TMEM131L: variants seen among roughly 807,000 people sequenced by gnomAD.
TMEM131L encodes transmembrane protein 131-like.
Under a neutral mutation model 192.2 loss-of-function variants are expected in TMEM131L, and 54 were observed. The observed-to-expected ratio is 0.28, with a 90% CI of 0.23 to 0.35. The LOEUF (loss-of-function observed/expected upper bound fraction) is 0.35. TMEM131L is among the 10% of genes least tolerant of loss of function. The pLI, the probability that TMEM131L is intolerant of heterozygous loss-of-function variation, is 1.00. For missense variants in TMEM131L, 1,888 were observed against 1,972.9 expected, an observed-to-expected ratio of 0.96 and a Z score of 0.82; for synonymous variants, 701 against 704.9, an observed-to-expected ratio of 0.99 and a Z score of 0.09.
chr4:153,615,560 G>C (rs1732919389), intron 26 of TMEM131L, among the ~76,000 whole-genome samples: 1 of 152,212 alleles, frequency 6.6e-6, no homozygotes, highest in South Asian at 2.1e-4. Flanking sequence ...TAGGCCTAAA[G>C]GTGAGGATAG....
At position 153,620,664 on chromosome 4, in the gene TMEM131L, C is replaced by G. The variant is rs553261191; in HGVS notation, c.3568-92C>G. 8.9e-6 allele frequency: 7 copies of G among 783,374 alleles called. No individual in the cohort carries two copies. The Admixed American group carries it at 2.3e-4, about 26-fold the overall frequency. The allele number at this position is 783,374 out of a possible 1,614,324, so 48.5% of individuals were successfully genotyped here. On this transcript the variant is annotated intron_variant, in intron 26 of 34. Transcript: ENST00000409959. ...CAGTTTTCAACAGCACTGGGACATT[C>G]TGAATTCAGATGGAGTTGGTCTTCA...
At position 153,555,905 on chromosome 4, in the gene TMEM131L, T is replaced by G. The variant is rs767489929; in HGVS notation, c.427T>G (p.Cys143Gly). 6.4e-7 allele frequency: 1 copy of G among 1,551,360 alleles called. No individual in the cohort carries two copies. Among genetic ancestry groups the G allele is most frequent in the Non-Finnish European group, 8.7e-7 (1 of 1,146,768 alleles). The change falls in exon 5 of 35, where the codon TGC becomes GGC. Residue 143 changes from cysteine (C) to glycine (G), a missense_variant. By Grantham distance (159) the Cys-to-Gly change is radical. Transcript: ENST00000409959. The surrounding 1 kb of genome is among the most constrained non-coding windows in gnomAD (Gnocchi z 4.1). ...ACATTTCCATGTACCGCCAGTTCCC[T>G]GCAGGGTGGGTGTTGATGGACTCCT... ...AGHFHVPPVP[C>G]RVIPAMGKTS...
chr4:153,596,172 A>G, intron 19 of TMEM131L, 86 bp from the exon 20 acceptor site: 2 of 1,459,442 alleles, frequency 1.4e-6, no homozygotes, highest in African/African-American at 1.4e-5. Context: ...AAGAGAAGCA[A>G]TCGTGTTTAA....
chr4:153,466,758 G>T (rs1268456066), intron 1 of TMEM131L, among the ~76,000 whole-genome samples: 1 of 152,136 alleles, frequency 6.6e-6, no homozygotes, highest in African/African-American at 2.4e-5. Context: ...GGGACCGCTA[G>T]CCGCTCGCGC....
At chr4:153,624,008 A>G (rs1280220169) in intron 29 of TMEM131L, among the ~76,000 whole-genome samples, 2 of 151,750 alleles carry the variant, frequency 1.3e-5, no homozygotes, top group South Asian at 2.1e-4. Context: ...TTTTACATTC[A>G]TATATCCATC....
chr4:153,528,890 G>A (rs1735692904), intron 3 of TMEM131L, among the ~76,000 whole-genome samples: 1 of 152,174 alleles, frequency 6.6e-6, no homozygotes, highest in Non-Finnish European at 1.5e-5. Flanking sequence ...CATGCACAGT[G>A]TATGGTGGGT....
chr4:153,538,940 A>G (rs917783513), intron 3 of TMEM131L, among the ~76,000 whole-genome samples: 3 of 151,968 alleles, frequency 2.0e-5, no homozygotes, highest in Admixed American at 6.6e-5. Context: ...CTTTCACCCC[A>G]TTTGCTGGAA....
intron 3 of TMEM131L, among the ~76,000 whole-genome samples, chr4:153,511,287 A>AACAT (rs1483207731): frequency 3.3e-5 from 5 of 152,246 alleles, no homozygotes; most frequent in African/African-American, 1.2e-4. Flanking sequence ...TACACCGTGG[A>AACAT]ATACTACACA....
intron 3 of TMEM131L, among the ~76,000 whole-genome samples, chr4:153,534,118 A>G (rs1336903185): frequency 2.0e-5 from 3 of 152,242 alleles, no homozygotes; most frequent in Admixed American, 6.5e-5. Context: ...TTATAAATCA[A>G]TGACACCGGT....
intron 25 of TMEM131L, among the ~76,000 whole-genome samples, chr4:153,611,867 G>A (rs950358709): frequency 2.6e-5 from 4 of 152,192 alleles, no homozygotes; most frequent in African/African-American, 9.7e-5. Flanking sequence ...GTAGTTTTAA[G>A]TATTTCACAT....
At chr4:153,539,083 G>A (rs1334666976) in intron 3 of TMEM131L, among the ~76,000 whole-genome samples, 1 of 152,144 alleles carries the variant, frequency 6.6e-6, no homozygotes, top group Non-Finnish European at 1.5e-5. Flanking sequence ...AGAACCTTGG[G>A]AAAGAAACAG....
In TMEM131L at chr4:153,545,947, G is replaced by A. The variant is rs532520412; in HGVS notation, c.240-4126G>A. 3.9e-5 allele frequency among the ~76,000 whole-genome samples: 6 copies of A among 152,090 alleles called. No individual in the cohort carries two copies. The East Asian group carries it at 7.7e-4, about 20-fold the overall frequency. On this transcript the variant is annotated intron_variant, in intron 3 of 34. Coordinates refer to ENST00000409959, the MANE Select transcript of TMEM131L (RefSeq NM_001131007.2). The stretch of plus-strand genomic sequence containing the variant: ...TGCCCAGGCTGGAGTGCAGTGGTGC[G>A]GTCATTGCTCCCTGCAGCTTTGAAC...
intron 3 of TMEM131L, among the ~76,000 whole-genome samples, chr4:153,547,065 T>A (rs1414762964): frequency 1.3e-5 from 2 of 152,248 alleles, no homozygotes; most frequent in African/African-American, 4.8e-5. Flanking sequence ...TAACTTAATG[T>A]AGTATTTTTC....
chr4:153,561,976 C>T (rs867492513), intron 7 of TMEM131L, among the ~76,000 whole-genome samples: 1 of 145,906 alleles, frequency 6.9e-6, no homozygotes, highest in Non-Finnish European at 1.5e-5. Context: ...AAAAAAAAAA[C>T]CTCTTAAAAG....
At chr4:153,469,953 C>A (rs902739516) in intron 2 of TMEM131L, among the ~76,000 whole-genome samples, 1 of 141,668 alleles carries the variant, frequency 7.1e-6, no homozygotes, top group Non-Finnish European at 1.6e-5. Flanking sequence ...AACAAACAAA[C>A]AAAAAAACCA....
intron 10 of TMEM131L, 39 bp downstream of exon 10, chr4:153,583,287 G>A (rs769210901): frequency 9.8e-7 from 1 of 1,015,582 alleles, no homozygotes; most frequent in Non-Finnish European, 1.6e-6. Flanking sequence ...TTTTAAAATT[G>A]CAAGTGTGCA....
intron 3 of TMEM131L, among the ~76,000 whole-genome samples, chr4:153,534,590 C>T (rs1461399802): frequency 3.3e-5 from 5 of 152,102 alleles, no homozygotes; most frequent in Admixed American, 6.5e-5. Flanking sequence ...TGTGCTACCA[C>T]GCCCGGCTAA....
At chr4:153,476,561 G>T (rs550986593) in intron 3 of TMEM131L, among the ~76,000 whole-genome samples, 2 of 152,162 alleles carry the variant, frequency 1.3e-5, no homozygotes, top group Admixed American at 6.5e-5. Context: ...GCCAGGTGTG[G>T]TGGTGGGCGC....
intron 3 of TMEM131L, among the ~76,000 whole-genome samples, chr4:153,519,852 T>G (rs1386876564): frequency 1.3e-5 from 2 of 152,182 alleles, no homozygotes; most frequent in Non-Finnish European, 2.9e-5. Context: ...GAAACGGGAT[T>G]AGATACTGTG....
Sources: gnomAD v4.1 joint callset for allele counts (sites outside exome capture counted in the v4.1 genomes callset) on GRCh38, gnomAD v4.1.1 for gene constraint, Gnocchi (gnomAD v3.1) non-coding constraint, MANE v1.5 for transcripts, NCBI Gene and HGNC (gene_info 2026-07-23, HGNC 2026-07-21) for gene names.